BTG3: variants seen among roughly 807,000 people sequenced by gnomAD.
BTG3 encodes BTG anti-proliferation factor 3, also known as protein BTG3.
BTG3 carries 4 observed loss-of-function variants against 25.8 expected under a neutral mutation model. The ratio of observed to expected loss-of-function variants is 0.16; its 90% CI spans 0.08 to 0.36. The LOEUF (loss-of-function observed/expected upper bound fraction) is 0.36, where lower values mean the gene tolerates loss of function less well. Among genes scored for constraint, BTG3 ranks in the 10% least tolerant of loss-of-function variants. The probability of loss-of-function intolerance (pLI) is 1.00; values close to 1 mark genes in which losing one functional copy is unlikely to be tolerated. For missense variants in BTG3, 201 were observed against 304.9 expected (o/e 0.66, Z 2.54); for synonymous variants, 107 against 99.9 (o/e 1.07, Z -0.42).
intron 3 of BTG3, among the ~76,000 whole-genome samples, chr21:17,602,033 G>C (rs1036243264): frequency 2.0e-5 from 3 of 151,846 alleles, no homozygotes; most frequent in African/African-American, 7.3e-5. Flanking sequence ...TAGACACCTG[G>C]ACAACTTTTA....
Position 17,598,640 on chromosome 21 carries a change from C to G in BTG3, c.496G>C (p.Ala166Pro), listed in dbSNP as rs984903198. ...ACCTGGTACACAGGACTTGCGGCTG[C>G]AGTCACCGAACTGGGTTTCACTTCC... ...EMEVKPSSVT[A>P]AASPVYQISE... is the part of the protein sequence containing the mutation. The change falls in exon 4 of 5, where the codon GCA becomes CCA. Residue 166 changes from alanine to proline, a missense_variant. Coordinates refer to ENST00000348354, the MANE Select transcript of BTG3 (RefSeq NM_006806.5). 1 of 1,613,998 alleles carries G rather than the reference C, an allele frequency of 6.2e-7. No homozygotes were observed. Among genetic ancestry groups the G allele is most frequent in the African/African-American group, 1.3e-5 (1 of 75,034 alleles).
At chr21:17,595,119 G>A (rs1362711189) in intron 4 of BTG3, among the ~76,000 whole-genome samples, 2 of 152,006 alleles carry the variant, frequency 1.3e-5, no homozygotes, top group African/African-American at 4.8e-5. Context: ...AGGTGATTCT[G>A]ATGTAGCCAG....
chr21:17,596,738 T>TA (rs1182794191), intron 4 of BTG3, among the ~76,000 whole-genome samples: 1 of 152,100 alleles, frequency 6.6e-6, no homozygotes, highest in African/African-American at 2.4e-5. Context: ...CCTCCTTTTT[T>TA]AAAATTTTGA....
At chr21:17,607,884 A>G (rs1201261780) in intron 2 of BTG3, among the ~76,000 whole-genome samples, 1 of 152,246 alleles carries the variant, frequency 6.6e-6, no homozygotes, top group Non-Finnish European at 1.5e-5. Flanking sequence ...TACTACAGTG[A>G]GCATGCCAGG....
At chr21:17,609,718 T>G (rs1029099542) in intron 1 of BTG3, among the ~76,000 whole-genome samples, 1 of 152,156 alleles carries the variant, frequency 6.6e-6, no homozygotes, top group African/African-American at 2.4e-5. Context: ...TGTACAGAAA[T>G]GCCCATAGCA....
chr21:17,602,285 C>T (rs748027252), intron 3 of BTG3, among the ~76,000 whole-genome samples: 11 of 152,164 alleles, frequency 7.2e-5, no homozygotes, highest in Non-Finnish European at 8.8e-5. Flanking sequence ...AACTATATGG[C>T]ACTCTTTGTA....
In BTG3 at chr21:17,594,035, G is replaced by A. The variant is rs889062284; in HGVS notation, c.*58C>T. On this transcript the variant is annotated 3_prime_UTR_variant, in exon 5 of 5. Coordinates refer to ENST00000348354, the MANE Select transcript of BTG3 (RefSeq NM_006806.5). The stretch of plus-strand genomic sequence containing the variant: ...AGTAAGAACTTTTAACTTTTAATGT[G>A]TAGTAAGGTTTATTCTACCTTTTTC... 2 of 1,571,816 alleles carry A rather than the reference G, an allele frequency of 1.3e-6. No individual in the cohort carries two copies. The highest frequency in any genetic ancestry group is 1.7e-6 in the Non-Finnish European group (2 of 1,158,958).
chr21:17,605,155 G>A (rs2061622650), intron 2 of BTG3, 158 bp from the exon 3 acceptor site: 1 of 814,382 alleles, frequency 1.2e-6, no homozygotes, highest in Non-Finnish European at 1.8e-6. Context: ...GATAATAAAT[G>A]TGAACTACAG....
chr21:17,607,170 C>T (rs997296335), intron 2 of BTG3, among the ~76,000 whole-genome samples: 1 of 152,210 alleles, frequency 6.6e-6, no homozygotes, highest in Admixed American at 6.5e-5. Flanking sequence ...CCAATTTAAT[C>T]GTTTCAGTTT....
chr21:17,606,187 A>T (rs1245651072), intron 2 of BTG3, among the ~76,000 whole-genome samples: 2 of 152,160 alleles, frequency 1.3e-5, no homozygotes, highest in Non-Finnish European at 2.9e-5. Flanking sequence ...TCTCATGATC[A>T]TCCTGTGAGT....
intron 1 of BTG3, among the ~76,000 whole-genome samples, chr21:17,610,141 A>C (rs1201176373): frequency 6.6e-6 from 1 of 152,352 alleles, no homozygotes; most frequent in East Asian, 1.9e-4. Flanking sequence ...ATATAGACAG[A>C]AGACAGATTA....
chr21:17,604,050 C>T (rs1482844733), intron 3 of BTG3: 5 of 1,080,918 alleles, frequency 4.6e-6, no homozygotes, highest in Non-Finnish European at 6.0e-6. Flanking sequence ...GATTTCATAC[C>T]TAGCACTGAT....
chr21:17,608,873 A>T lies in BTG3; in HGVS notation c.173+99T>A, dbSNP rs951640605. 3.4e-6 allele frequency: 4 copies of T among 1,177,752 alleles called. No individual in the cohort carries two copies. In the African/African-American group the frequency reaches 6.2e-5, roughly 18 times the overall value. The allele number at this position is 1,177,752 out of a possible 1,614,324, so 73.0% of individuals were successfully genotyped here. On this transcript the variant is annotated intron_variant, in intron 2 of 4. Coordinates refer to ENST00000348354, the MANE Select transcript of BTG3 (RefSeq NM_006806.5). ...CCCAGAGTTCTATATTTTGCAGATG[A>T]AACACCTGTAGGCATGGTCTGCACA...
chr21:17,609,546 CAT>C (rs1262927284), intron 1 of BTG3, among the ~76,000 whole-genome samples: 1 of 152,102 alleles, frequency 6.6e-6, no homozygotes, highest in African/African-American at 2.4e-5. Flanking sequence ...AACTTTAAAA[CAT>C]AAAAAAAGTC....
Position 17,594,213 on chromosome 21 carries a change from A to G in BTG3, c.639T>C (p.Tyr213=). ...NHYPPPVPFG[Y]PNQGRKNKPY... Reference sequence around the variant, plus strand: ...GTTTATTTTTTCTTCCCTGATTTGGATAACCAAATGGAACAGGAGGAGGAT... The same window carrying G: ...GTTTATTTTTTCTTCCCTGATTTGGGTAACCAAATGGAACAGGAGGAGGAT... Residue 213 remains tyrosine, a synonymous_variant, in exon 5 of 5, where the codon TAT becomes TAC. Transcript: ENST00000348354. 6.2e-7 allele frequency: 1 copy of G among 1,613,336 alleles called. No individual in the cohort carries two copies. The highest frequency in any genetic ancestry group is 1.3e-5 in the African/African-American group (1 of 74,984).
chr21:17,594,129 A>T lies in BTG3; in HGVS notation c.723T>A (p.Asn241Lys). The change falls in exon 5 of 5, where the codon AAT becomes AAA. Residue 241 changes from asparagine (N) to lysine (K), a missense_variant. By Grantham distance (94) the Asn-to-Lys change is moderately conservative (BLOSUM62 0). Around this residue, in one of 2 missense-constraint regions of BTG3, gnomAD observed 131 missense variants for 129.3 expected, o/e 1.01. Coordinates refer to ENST00000348354, the MANE Select transcript of BTG3 (RefSeq NM_006806.5). ...VPPPGMHCDR[N>K]HWINPHMLAP... ...CTAACATGTGAGGATTAATCCAGTG[A>T]TTCCGGTCACAATGCATTCCAGGAG... 1.9e-6 allele frequency: 3 copies of T among 1,613,196 alleles called. No homozygotes were observed. The highest frequency in any genetic ancestry group is 2.5e-6 in the Non-Finnish European group (3 of 1,179,360).
At chr21:17,608,653 G>T in intron 2 of BTG3, 1 of 261,126 alleles carries the variant, frequency 3.8e-6, no homozygotes. Context: ...GTGTTATTAG[G>T]GGTCCTCTAG....
chr21:17,602,501 T>C (rs887159056), intron 3 of BTG3, among the ~76,000 whole-genome samples: 1 of 152,172 alleles, frequency 6.6e-6, no homozygotes, highest in Non-Finnish European at 1.5e-5. Flanking sequence ...TGAAAAAATA[T>C]TTCTCAATGT....
At chr21:17,594,434 A>G (rs1328902376) in intron 4 of BTG3, 102 bp from the exon 5 acceptor site, 2 of 1,360,012 alleles carry the variant, frequency 1.5e-6, no homozygotes, top group African/African-American at 1.5e-5. Context: ...CAACACTGAG[A>G]TCACATCTAA....
Sources: allele counts gnomAD v4.1 joint callset (sites outside exome capture counted in the v4.1 genomes callset), GRCh38; gene constraint gnomAD v4.1.1; regional missense constraint gnomAD v4.1.1; transcripts MANE v1.5; gene names NCBI Gene and HGNC (gene_info 2026-07-23, HGNC 2026-07-21).